ZC3H12B: variants seen among roughly 807,000 people sequenced by gnomAD.
The protein encoded by ZC3H12B is zinc finger CCCH-type containing 12B.
In ZC3H12B, 7 loss-of-function variants were observed where a neutral mutation model predicts 43.9. That is an observed-to-expected ratio of 0.16 (90% CI 0.09 to 0.30). The LOEUF is 0.30. Among genes scored for constraint, ZC3H12B ranks in the 10% least tolerant of loss-of-function variants. The pLI is 1.00. For synonymous variants in ZC3H12B, 222 were observed against 241.7 expected, an observed-to-expected ratio of 0.92 and a Z score of 0.76; for missense variants, 475 against 670.2, an observed-to-expected ratio of 0.71 and a Z score of 3.22.
chrX:65,112,561 T>A, the ZC3H12B span, among the ~76,000 whole-genome samples: 1 of 111,921 alleles, frequency 8.9e-6, no homozygotes, highest in African/African-American at 3.2e-5. Context: ...TTGAAGCCAA[T>A]GCTCATTTAC....
intron 3 of ZC3H12B, among the ~76,000 whole-genome samples, chrX:65,451,082 G>T (rs1353368007): frequency 1.9e-5 from 2 of 107,962 alleles, no homozygotes; most frequent in Non-Finnish European, 3.8e-5. Context: ...CAAACAACTG[G>T]AATTACAGGC....
At chrX:65,265,562 C>G in the ZC3H12B span, among the ~76,000 whole-genome samples, 2 of 112,022 alleles carry the variant, frequency 1.8e-5, no homozygotes, top group Admixed American at 9.5e-5. Flanking sequence ...TAAACATTTC[C>G]TAATGTATGA....
At chrX:65,414,672 G>A (rs2066940422) in intron 3 of ZC3H12B, among the ~76,000 whole-genome samples, 1 of 110,986 alleles carries the variant, frequency 9.0e-6, no homozygotes, top group Non-Finnish European at 1.9e-5. Flanking sequence ...AAGGAGTATG[G>A]CCTTCAGAGA....
the ZC3H12B span, among the ~76,000 whole-genome samples, chrX:65,296,702 A>G: frequency 8.2e-4 from 91 of 111,016 alleles, no homozygotes; most frequent in African/African-American, 2.8e-3. Flanking sequence ...GACATAACAA[A>G]AAAAGGAAAA....
the ZC3H12B span, among the ~76,000 whole-genome samples, chrX:65,311,058 G>C: frequency 1.8e-5 from 2 of 112,014 alleles, no homozygotes; most frequent in Non-Finnish European, 3.8e-5. Context: ...AGAAAATCTA[G>C]GCAATACTAT....
the ZC3H12B span, among the ~76,000 whole-genome samples, chrX:65,158,758 C>A: frequency 8.3e-4 from 93 of 111,880 alleles, no homozygotes; most frequent in African/African-American, 3.0e-3. Flanking sequence ...TTTTGCTGTG[C>A]AGAAGCTCTT....
chrX:65,122,516 T>A, the ZC3H12B span, among the ~76,000 whole-genome samples: 1 of 111,070 alleles, frequency 9.0e-6, no homozygotes. Context: ...AATGACAGGA[T>A]CAAATTCACA....
At chrX:65,356,213 A>G in the ZC3H12B span, among the ~76,000 whole-genome samples, 222 of 111,504 alleles carry the variant, frequency 2.0e-3, 1 homozygote, top group African/African-American at 6.8e-3. Flanking sequence ...TGCAACCTAT[A>G]TAATTTGCAC....
the ZC3H12B span, among the ~76,000 whole-genome samples, chrX:65,295,776 C>A: frequency 9.0e-5 from 10 of 111,353 alleles, no homozygotes; most frequent in Non-Finnish European, 1.9e-5. Flanking sequence ...ACTATGAACA[C>A]CTTTACACGC....
At chrX:65,104,899 A>G in the ZC3H12B span, among the ~76,000 whole-genome samples, 11 of 111,744 alleles carry the variant, frequency 9.8e-5, no homozygotes, top group Admixed American at 1.9e-4. Flanking sequence ...CAATCCCATT[A>G]CTGTGTATAT....
chrX:65,361,265 G>A, the ZC3H12B span, among the ~76,000 whole-genome samples: 1 of 112,096 alleles, frequency 8.9e-6, no homozygotes, highest in African/African-American at 3.2e-5. Context: ...AAACACAGAA[G>A]GCTAGTATAA....
At chrX:65,174,897 G>C in the ZC3H12B span, among the ~76,000 whole-genome samples, 1 of 109,775 alleles carries the variant, frequency 9.1e-6, no homozygotes, top group South Asian at 4.0e-4. Flanking sequence ...TGTATTGCGG[G>C]GGTTCCAGGT....
At chrX:65,182,790 A>G in the ZC3H12B span, among the ~76,000 whole-genome samples, 1 of 111,991 alleles carries the variant, frequency 8.9e-6, no homozygotes, top group African/African-American at 3.2e-5. Flanking sequence ...TTAAAAGGAA[A>G]CATAAATGCA....
chrX:65,496,948 C>CAAAAAAAAAAAAA (rs373400545), intron 1 of ZC3H12B, among the ~76,000 whole-genome samples, 184 bp from the exon 7 acceptor site: 8 of 40,880 alleles, frequency 2.0e-4, no homozygotes, highest in African/African-American at 4.2e-4. Context: ...AAAGTGAGAC[C>CAAAAAAAAAAAAA]AAAAAAAAAA....
chrX:65,177,458 G>A, the ZC3H12B span, among the ~76,000 whole-genome samples: 1 of 111,803 alleles, frequency 8.9e-6, no homozygotes, highest in Non-Finnish European at 1.9e-5. Context: ...AAAGAAAAGG[G>A]TATTCAAGTA....
At chrX:65,298,904 G>T in the ZC3H12B span, among the ~76,000 whole-genome samples, 7 of 111,564 alleles carry the variant, frequency 6.3e-5, no homozygotes, top group Non-Finnish European at 1.3e-4. Flanking sequence ...GCCAAGCAAA[G>T]GGGGAATAGC....
the ZC3H12B span, among the ~76,000 whole-genome samples, chrX:65,284,618 G>A: frequency 1.8e-5 from 2 of 110,752 alleles, no homozygotes; most frequent in African/African-American, 6.6e-5. Flanking sequence ...AAAATTATCT[G>A]GGCGTGGTTG....
At chrX:65,141,837 C>T in the ZC3H12B span, among the ~76,000 whole-genome samples, 1 of 111,691 alleles carries the variant, frequency 9.0e-6, no homozygotes, top group South Asian at 3.7e-4. Flanking sequence ...GCTGTGAATG[C>T]CATTAATTTA....
chrX:65,225,609 AG>A, the ZC3H12B span, among the ~76,000 whole-genome samples: 1 of 112,339 alleles, frequency 8.9e-6, no homozygotes, highest in South Asian at 3.7e-4. Context: ...CCAAAGGCAA[AG>A]AAGTTAAAAA....
Sources: allele counts gnomAD v4.1 joint callset (sites outside exome capture counted in the v4.1 genomes callset), GRCh38; gene constraint gnomAD v4.1.1; transcripts MANE v1.5; gene names NCBI Gene and HGNC (gene_info 2026-07-23, HGNC 2026-07-21).